CNTNAP2: variants seen among roughly 807,000 people sequenced by gnomAD.
The protein encoded by CNTNAP2 is contactin-associated protein-like 2.
A neutral mutation model predicts 155.2 loss-of-function variants in CNTNAP2; 98 were observed. The ratio of observed to expected loss-of-function variants is 0.63; its 90% CI spans 0.54 to 0.75. The LOEUF (loss-of-function observed/expected upper bound fraction) is 0.75. Ranked by LOEUF, CNTNAP2 falls within the 30% of genes least tolerant of loss-of-function variation. CNTNAP2 has a pLI of 0.00. For missense variants in CNTNAP2, 1,727 were observed against 1,688.1 expected (o/e 1.02, Z -0.40); for synonymous variants, 651 against 631.2 (o/e 1.03, Z -0.47).
chr7:147,414,675 C>G (rs543899618), intron 10 of CNTNAP2, among the ~76,000 whole-genome samples: 13 of 152,022 alleles, frequency 8.6e-5, no homozygotes, highest in African/African-American at 2.2e-4. Context: ...GGTGCGGTGG[C>G]TCACGCCTGT....
At chr7:147,367,957 T>C (rs1412627816) in intron 9 of CNTNAP2, among the ~76,000 whole-genome samples, 2 of 151,578 alleles carry the variant, frequency 1.3e-5, no homozygotes, top group East Asian at 2.0e-4. Context: ...CATAGCCACA[T>C]ACAAGGATGA....
chr7:146,610,194 C>G (rs1244515364), intron 1 of CNTNAP2, among the ~76,000 whole-genome samples: 1 of 152,058 alleles, frequency 6.6e-6, no homozygotes, highest in African/African-American at 2.4e-5. Context: ...ACATGTAAAC[C>G]TGTGGGATTT....
intron 1 of CNTNAP2, among the ~76,000 whole-genome samples, chr7:146,399,058 T>G (rs1040832192): frequency 9.8e-5 from 14 of 143,352 alleles, no homozygotes; most frequent in Non-Finnish European, 1.8e-4. Context: ...TTTCCTTTCT[T>G]TAAGAACGTT....
intron 8 of CNTNAP2, among the ~76,000 whole-genome samples, chr7:147,269,758 T>G (rs2116702018): frequency 6.6e-6 from 1 of 152,212 alleles, no homozygotes; most frequent in Non-Finnish European, 1.5e-5. Context: ...GCCATGGAGT[T>G]AAGAGACAAG....
chr7:147,457,892 C>A (rs1797949608), intron 10 of CNTNAP2, among the ~76,000 whole-genome samples: 1 of 151,912 alleles, frequency 6.6e-6, no homozygotes, highest in Non-Finnish European at 1.5e-5. Flanking sequence ...CCAGTTTTTT[C>A]AAAAGGGAGG....
chr7:147,578,382 T>A (rs895099797), intron 12 of CNTNAP2, among the ~76,000 whole-genome samples: 6 of 152,110 alleles, frequency 3.9e-5, no homozygotes, highest in Non-Finnish European at 7.4e-5. Context: ...AGCATCTGAC[T>A]CATCTGGTTG....
At chr7:146,632,025 G>A (rs1031244571) in intron 1 of CNTNAP2, among the ~76,000 whole-genome samples, 3 of 152,126 alleles carry the variant, frequency 2.0e-5, no homozygotes, top group African/African-American at 7.2e-5. Flanking sequence ...ATGTGTTAGA[G>A]ACTTTATTAG....
At chr7:147,741,115 C>T (rs1258321464) in intron 13 of CNTNAP2, among the ~76,000 whole-genome samples, 1 of 152,206 alleles carries the variant, frequency 6.6e-6, no homozygotes, top group Non-Finnish European at 1.5e-5. Context: ...CCATTGGAAG[C>T]TTTCCAAGGG....
At chr7:147,062,172 C>T (rs1388824158) in intron 4 of CNTNAP2, among the ~76,000 whole-genome samples, 1 of 82,560 alleles carries the variant, frequency 1.2e-5, no homozygotes, top group South Asian at 4.0e-4. Flanking sequence ...AAAAAAAAAC[C>T]AGTTCTTTAT....
At chr7:147,046,575 A>C (rs1227706672) in intron 4 of CNTNAP2, among the ~76,000 whole-genome samples, 1 of 152,088 alleles carries the variant, frequency 6.6e-6, no homozygotes, top group Admixed American at 6.5e-5. Flanking sequence ...AATGTTTCCA[A>C]TGGGTATAGA....
intron 21 of CNTNAP2, among the ~76,000 whole-genome samples, chr7:148,346,241 A>T (rs143696937): frequency 6.6e-6 from 1 of 152,270 alleles, no homozygotes; most frequent in African/African-American, 2.4e-5. Context: ...TGCAACTTGG[A>T]TATGTTTTTA....
intron 20 of CNTNAP2, among the ~76,000 whole-genome samples, chr7:148,237,547 G>T (rs4726929): frequency 0.72 from 109,378 of 152,156 alleles, 40,215 homozygotes; most frequent in South Asian, 0.92. Flanking sequence ...ATTTCATCCT[G>T]TCTCTATCTC....
chr7:147,569,332 G>A (rs1800237744), intron 12 of CNTNAP2, among the ~76,000 whole-genome samples: 1 of 152,012 alleles, frequency 6.6e-6, no homozygotes, highest in South Asian at 2.1e-4. Context: ...GGCTCCAGTG[G>A]AGAGTATCAT....
intron 13 of CNTNAP2, among the ~76,000 whole-genome samples, chr7:147,743,319 C>A (rs188155680): frequency 6.6e-6 from 1 of 152,274 alleles, no homozygotes; most frequent in East Asian, 1.9e-4. Context: ...GTGGCTATCA[C>A]TGAGTGGAAT....
intron 3 of CNTNAP2, among the ~76,000 whole-genome samples, chr7:146,933,896 A>G (rs1235901084): frequency 1.3e-5 from 2 of 151,700 alleles, no homozygotes; most frequent in Non-Finnish European, 3.0e-5. Flanking sequence ...ATGAGATACC[A>G]TCTCACACCA....
At chr7:148,229,082 C>T (rs778687899) in intron 19 of CNTNAP2, among the ~76,000 whole-genome samples, 5 of 152,132 alleles carry the variant, frequency 3.3e-5, no homozygotes, top group East Asian at 1.9e-4. Context: ...AACTTTGAGA[C>T]GACAGTCACT....
chr7:147,312,799 A>C (rs1298553728), intron 9 of CNTNAP2, among the ~76,000 whole-genome samples: 1 of 120,480 alleles, frequency 8.3e-6, no homozygotes, highest in South Asian at 3.1e-4. Flanking sequence ...GCTGGGTCAA[A>C]TTGTATTTCT....
chr7:146,307,897 C>A (rs1800744730), intron 1 of CNTNAP2, among the ~76,000 whole-genome samples: 1 of 152,014 alleles, frequency 6.6e-6, no homozygotes, highest in Non-Finnish European at 1.5e-5. Context: ...CAGGCAATAC[C>A]ATTCAGGCCA....
intron 21 of CNTNAP2, among the ~76,000 whole-genome samples, chr7:148,279,686 C>G (rs556994524): frequency 6.6e-6 from 1 of 152,222 alleles, no homozygotes; most frequent in South Asian, 2.1e-4. Flanking sequence ...TTGACTAGGA[C>G]ATTGATCGTT....
Sources: allele counts gnomAD v4.1 joint callset (sites outside exome capture counted in the v4.1 genomes callset), GRCh38; gene constraint gnomAD v4.1.1; transcripts MANE v1.5; gene names NCBI Gene and HGNC (gene_info 2026-07-23, HGNC 2026-07-21).